BICDL1: variants seen among roughly 807,000 people sequenced by gnomAD.
BICDL1 encodes BICD family like cargo adaptor 1, also known as BICD family-like cargo adapter 1.
BICDL1 carries 20 observed loss-of-function variants against 76.8 expected under a neutral mutation model. That is an observed-to-expected ratio of 0.26 (90% CI 0.18 to 0.38). BICDL1 has a LOEUF of 0.38. Among genes scored for constraint, BICDL1 ranks in the 10% least tolerant of loss-of-function variants. BICDL1 has a pLI of 1.00. For missense variants in BICDL1, 700 were observed against 798.6 expected (o/e 0.88, Z 1.49); for synonymous variants, 383 against 337.1 (o/e 1.14, Z -1.49).
intron 8 of BICDL1, among the ~76,000 whole-genome samples, chr12:120,082,732 C>T (rs1222946993): frequency 6.6e-6 from 1 of 151,594 alleles, no homozygotes; most frequent in East Asian, 1.9e-4. Context: ...CCATGCCGGG[C>T]AGATTTTTGT....
chr12:120,084,890 C>CAA (rs1241742796), intron 8 of BICDL1, among the ~76,000 whole-genome samples: 3 of 124,382 alleles, frequency 2.4e-5, no homozygotes, highest in Non-Finnish European at 3.5e-5. Context: ...GACTCTGTCT[C>CAA]AAAAAAAAAA....
At chr12:120,016,351 C>T (rs890690780) in intron 2 of BICDL1, among the ~76,000 whole-genome samples, 6 of 150,514 alleles carry the variant, frequency 4.0e-5, no homozygotes, top group Non-Finnish European at 7.4e-5. Flanking sequence ...TAGGAACATT[C>T]ATGTACAAGT....
At chr12:120,036,000 T>A (rs1460166514) in intron 2 of BICDL1, among the ~76,000 whole-genome samples, 1 of 152,262 alleles carries the variant, frequency 6.6e-6, no homozygotes, top group East Asian at 1.9e-4. Context: ...TAACATTTAG[T>A]TTTTACAATT....
chr12:120,018,112 C>G (rs746796473), intron 2 of BICDL1, among the ~76,000 whole-genome samples: 1 of 152,196 alleles, frequency 6.6e-6, no homozygotes, highest in Non-Finnish European at 1.5e-5. Flanking sequence ...TCCCTGATTG[C>G]ATATTAGAAT....
Position 119,989,404 on chromosome 12 carries a change from A to C in BICDL1, c.-465A>C, listed in dbSNP as rs1951463549. Among the ~76,000 whole-genome samples the C allele has an allele frequency of 6.7e-6, 1 of 150,294 alleles. No individual in the cohort carries two copies. Among genetic ancestry groups the C allele is most frequent in the African/African-American group, 2.4e-5 (1 of 41,030 alleles). On this transcript the variant is annotated 5_prime_UTR_variant, in exon 1 of 10. Coordinates refer to ENST00000548673, the MANE Select transcript of BICDL1 (RefSeq NM_001367886.1). ...GCCGGCAACAGCAGCAGCAGCAGGA[A>C]GCGTCGCGGCGACAGCGGAGCGCAG...
chr12:120,093,423 A>G lies in BICDL1; in HGVS notation c.*262A>G. The G allele has an allele frequency of 2.0e-6, 1 of 491,606 alleles. No homozygotes were observed. The highest frequency in any genetic ancestry group is 3.7e-6 in the Non-Finnish European group (1 of 271,268). 30.5% of individuals were successfully genotyped at this position (491,606 alleles called of 1,614,324 possible). Reference sequence around the variant, plus strand: ...GGGCTTCTCCAGGACCACGTGCTTGAGCAGGGTTAGGCCACCTCCCAGAGG... The same window carrying G: ...GGGCTTCTCCAGGACCACGTGCTTGGGCAGGGTTAGGCCACCTCCCAGAGG... On this transcript the variant is annotated 3_prime_UTR_variant, in exon 10 of 10. Coordinates refer to ENST00000548673, the MANE Select transcript of BICDL1 (RefSeq NM_001367886.1).
chr12:119,990,602 G>A (rs1951500478), intron 1 of BICDL1, among the ~76,000 whole-genome samples: 1 of 152,222 alleles, frequency 6.6e-6, no homozygotes, highest in Non-Finnish European at 1.5e-5. Flanking sequence ...CTGAGGTGAT[G>A]TCTGCATACA....
At chr12:120,081,407 G>A (rs1021620850) in intron 8 of BICDL1, among the ~76,000 whole-genome samples, 4 of 142,280 alleles carry the variant, frequency 2.8e-5, no homozygotes, top group East Asian at 4.2e-4. Context: ...GCTGCAGTGC[G>A]ATGGCGCGAT....
chr12:120,011,284 A>G (rs1951947924), intron 2 of BICDL1, among the ~76,000 whole-genome samples: 1 of 152,206 alleles, frequency 6.6e-6, no homozygotes, highest in African/African-American at 2.4e-5. Flanking sequence ...CTCAGTTACA[A>G]GAAAACCTGG....
At position 120,093,092 on chromosome 12, in the gene BICDL1, C is replaced by T. The variant is rs962602020; in HGVS notation, c.1797C>T (p.Ser599=). The part of the protein sequence containing the change: ...QPAAALCRGH[S]AGRGDEPSIA... ...CTGCTGCCCTCTGCAGGGGCCACAG[C>T]GCTGGGCGGGGGGATGAGCCCAGCA... The change falls in exon 10 of 10, where the codon AGC becomes AGT. Residue 599 remains serine, a synonymous_variant. Transcript: ENST00000548673. 6.2e-6 allele frequency: 10 copies of T among 1,610,980 alleles called. No homozygotes were observed. The highest frequency in any genetic ancestry group is 2.2e-5 in the East Asian group (1 of 44,732).
At chr12:120,015,138 T>C (rs916858478) in intron 2 of BICDL1, among the ~76,000 whole-genome samples, 9 of 152,156 alleles carry the variant, frequency 5.9e-5, no homozygotes, top group African/African-American at 2.2e-4. Context: ...CCCTTCCCAC[T>C]TGCAGTGGGA....
chr12:119,998,456 G>A (rs1475131905), intron 1 of BICDL1, 65 bp from the exon 2 acceptor site: 5 of 1,430,696 alleles, frequency 3.5e-6, no homozygotes, highest in Non-Finnish European at 4.7e-6. Context: ...GGGACAGCGC[G>A]GAGAGAAAAA....
intron 4 of BICDL1, among the ~76,000 whole-genome samples, chr12:120,070,733 C>CTTTT (rs72233478): frequency 7.1e-6 from 1 of 141,838 alleles, no homozygotes; most frequent in Non-Finnish European, 1.5e-5. Flanking sequence ...TGGTATAACT[C>CTTTT]TTTTTTTTTT....
intron 4 of BICDL1, among the ~76,000 whole-genome samples, chr12:120,067,896 TTGG>T (rs1872770890): frequency 3.9e-5 from 6 of 152,318 alleles, no homozygotes; most frequent in Non-Finnish European, 7.4e-5. Flanking sequence ...AAAACTGGGG[TTGG>T]AGAAGTTCCC....
chr12:120,021,967 A>T (rs917654798), intron 2 of BICDL1, among the ~76,000 whole-genome samples: 2 of 149,530 alleles, frequency 1.3e-5, no homozygotes, highest in African/African-American at 2.4e-5. Context: ...AATAAAATAT[A>T]AAAAAATAAA....
chr12:120,089,399 G>T (rs1000415434), intron 8 of BICDL1, among the ~76,000 whole-genome samples: 4 of 151,850 alleles, frequency 2.6e-5, no homozygotes, highest in Admixed American at 2.6e-4. Flanking sequence ...TGGTGTGTGT[G>T]TGTGTGACGG....
At chr12:120,064,430 CT>C (rs1390264028) in intron 3 of BICDL1, among the ~76,000 whole-genome samples, 137 of 145,886 alleles carry the variant, frequency 9.4e-4, no homozygotes, top group African/African-American at 1.4e-3. Flanking sequence ...AGGTGGAGCC[CT>C]TTTTTTTTTT....
intron 7 of BICDL1, among the ~76,000 whole-genome samples, chr12:120,077,326 G>A (rs1383233307): frequency 6.6e-6 from 1 of 152,200 alleles, no homozygotes; most frequent in East Asian, 1.9e-4. Flanking sequence ...CTGTGGTGGT[G>A]TGCCCCCTCC....
intron 3 of BICDL1, among the ~76,000 whole-genome samples, chr12:120,063,775 C>T (rs1444395675): frequency 6.6e-6 from 1 of 152,082 alleles, no homozygotes; most frequent in African/African-American, 2.4e-5. Context: ...CAGAAGGTCC[C>T]CTAGGAGTCA....
Sources: gnomAD v4.1 joint callset for allele counts (sites outside exome capture counted in the v4.1 genomes callset) on GRCh38, gnomAD v4.1.1 for gene constraint, MANE v1.5 for transcripts, NCBI Gene and HGNC (gene_info 2026-07-23, HGNC 2026-07-21) for gene names.